USH2A: variants seen among roughly 807,000 people sequenced by gnomAD.
USH2A encodes Usher syndrome 2A (autosomal recessive, mild).
Under a neutral mutation model 538.9 loss-of-function variants are expected in USH2A, and 443 were observed. That is an observed-to-expected ratio of 0.82 (90% confidence interval 0.76 to 0.89). The LOEUF (loss-of-function observed/expected upper bound fraction) is 0.89. Among genes scored for constraint, USH2A ranks in the 40% least tolerant of loss-of-function variants. The pLI is 0.00. For missense variants in USH2A, 6,633 were observed against 6,324.8 expected (o/e 1.05, Z -1.65); for synonymous variants, 2,413 against 2,273.5 (o/e 1.06, Z -1.75).
chr1:215,699,538 C>G (rs1332039075), intron 61 of USH2A, among the ~76,000 whole-genome samples: 2 of 152,074 alleles, frequency 1.3e-5, no homozygotes, highest in African/African-American at 4.8e-5. Flanking sequence ...CCTTCACAAC[C>G]CTTGTAAGTT....
intron 38 of USH2A, among the ~76,000 whole-genome samples, chr1:215,918,676 T>G (rs1666022797): frequency 6.6e-6 from 1 of 152,110 alleles, no homozygotes; most frequent in African/African-American, 2.4e-5. Flanking sequence ...AAAACAATAG[T>G]CATTGGCAGA....
intron 9 of USH2A, among the ~76,000 whole-genome samples, chr1:216,297,810 T>C (rs1380761120): frequency 6.6e-6 from 1 of 152,150 alleles, no homozygotes; most frequent in Non-Finnish European, 1.5e-5. Context: ...GTCCTATCTA[T>C]TGACAATACT....
chr1:215,624,537 ACT>A lies in USH2A; in HGVS notation c.*1242_*1243del, dbSNP rs1655926351. ...ATGAAGGAAGACAAGAGGTTTTCTT[ACT>A]CTGTTTTCCATGAAGAACAAATTTA... On this transcript the variant is annotated 3_prime_UTR_variant, in exon 72 of 72. Transcript: ENST00000307340. 1 of 152,208 alleles carries A rather than the reference ACT, an allele frequency of 6.6e-6. No homozygotes were observed. The highest frequency in any genetic ancestry group is 2.4e-5 in the African/African-American group (1 of 41,538). The allele number at this position is 152,208 out of a possible 1,614,324, so 9.4% of individuals were successfully genotyped here.
At chr1:215,787,340 G>A (rs1267483975) in intron 51 of USH2A, among the ~76,000 whole-genome samples, 3 of 152,160 alleles carry the variant, frequency 2.0e-5, no homozygotes, top group Non-Finnish European at 2.9e-5. Context: ...TAAAGAATGT[G>A]ATATTTGAGA....
chr1:216,156,990 C>A (rs1451749768), intron 21 of USH2A, among the ~76,000 whole-genome samples: 1 of 151,804 alleles, frequency 6.6e-6, no homozygotes, highest in Non-Finnish European at 1.5e-5. Flanking sequence ...TCTCCTGCCT[C>A]AGCCTCCTGA....
At chr1:216,104,606 C>A (rs1332384033) in intron 21 of USH2A, among the ~76,000 whole-genome samples, 1 of 152,122 alleles carries the variant, frequency 6.6e-6, no homozygotes, top group African/African-American at 2.4e-5. Context: ...GCTGGGAAAA[C>A]TGGCTAGCCA....
In USH2A at chr1:216,070,269, A is replaced by C; in HGVS notation, c.5881T>G (p.Ser1961Ala). 6.2e-7 allele frequency: 1 copy of C among 1,613,972 alleles called. No individual in the cohort carries two copies. Among genetic ancestry groups the C allele is most frequent in the Non-Finnish European group, 8.5e-7 (1 of 1,179,890 alleles). ...GAAPQSVPTP[S>A]RVRSLNGYSI... The stretch of plus-strand genomic sequence containing the variant: ...TATCCATTTAAGCTGCGGACTCTTG[A>C]GGGAGTTGGCACACTTTGTGGAGCT... Residue 1961 changes from serine (S) to alanine (A), a missense_variant, in exon 30 of 72, where the codon TCA becomes GCA. Physicochemically the swap from Ser to Ala is moderately conservative, Grantham distance 99. Coordinates refer to ENST00000307340, the MANE Select transcript of USH2A (RefSeq NM_206933.4).
intron 20 of USH2A, among the ~76,000 whole-genome samples, chr1:216,184,969 C>T (rs1419728179): frequency 1.3e-5 from 2 of 151,872 alleles, no homozygotes; most frequent in African/African-American, 2.4e-5. Flanking sequence ...ATCACATTGT[C>T]CCTTCAGGAA....
chr1:215,921,748 T>C lies in USH2A; in HGVS notation c.7300+12868A>G, dbSNP rs564521325. Among the ~76,000 whole-genome samples the C allele has an allele frequency of 6.6e-5, 10 of 152,212 alleles. No individual in the cohort carries two copies. In the East Asian group the frequency reaches 1.2e-3, roughly 18 times the overall value. ...TGCCTTTTACTAGTAAGATGACCTT[T>C]ACTAGTTGCAAGCCAATATTGTTTC... On this transcript the variant is annotated intron_variant, in intron 38 of 71. Transcript: ENST00000307340.
chr1:215,645,102 C>G (rs1656804653), intron 67 of USH2A, among the ~76,000 whole-genome samples: 5 of 152,262 alleles, frequency 3.3e-5, no homozygotes, highest in Admixed American at 3.3e-4. Flanking sequence ...GAGCAAATTA[C>G]TGACTGAAGA....
intron 64 of USH2A, among the ~76,000 whole-genome samples, chr1:215,670,734 C>T (rs1457027263): frequency 6.6e-6 from 1 of 152,058 alleles, no homozygotes; most frequent in Non-Finnish European, 1.5e-5. Context: ...TGCAAATTCA[C>T]CTGGAATCTA....
In USH2A at chr1:215,832,653, A is replaced by G. The variant is rs565219651; in HGVS notation, c.9371+5338T>C. Among the ~76,000 whole-genome samples, 4 of 152,116 alleles carry G rather than the reference A, an allele frequency of 2.6e-5. No homozygotes were observed. In the East Asian group the frequency reaches 7.7e-4, roughly 29 times the overall value. ...AATTTCATACGTAACATCACATCTA[A>G]GGGTAAAAGACTGAAAGTTTTCTTT... On this transcript the variant is annotated intron_variant, in intron 47 of 71. Transcript: ENST00000307340.
rs544306056 is a variant in USH2A, at chr1:216,121,837, A to C, written c.4628-24624T>G. ...GTAGTGCTTCATTATAACAGTGGAT[A>C]TTGCTTTATATTTCATAAAAATTCT... On this transcript the variant is annotated intron_variant, in intron 21 of 71. Coordinates refer to ENST00000307340, the MANE Select transcript of USH2A (RefSeq NM_206933.4). 2.0e-5 allele frequency among the ~76,000 whole-genome samples: 3 copies of C among 152,288 alleles called. 1 individual carries two copies. In the South Asian group the frequency reaches 6.2e-4, roughly 32 times the overall value.
chr1:215,788,166 C>G (rs1381786640), intron 51 of USH2A, among the ~76,000 whole-genome samples: 1 of 152,110 alleles, frequency 6.6e-6, no homozygotes, highest in Non-Finnish European at 1.5e-5. Flanking sequence ...ATAATACACA[C>G]AAGACAGTGC....
At chr1:216,339,727 A>G (rs535397531) in intron 4 of USH2A, among the ~76,000 whole-genome samples, 15 of 152,132 alleles carry the variant, frequency 9.9e-5, no homozygotes, top group Admixed American at 5.2e-4. Flanking sequence ...CCTACTCCTG[A>G]ACGACTCCTG....
intron 58 of USH2A, 72 bp from the exon 59 acceptor site, chr1:215,743,407 TG>T: frequency 2.0e-6 from 1 of 512,444 alleles, no homozygotes; most frequent in Non-Finnish European, 3.1e-6. Context: ...TGTGTGTGTG[TG>T]TGTGTGTGTA....
chr1:215,804,905 C>A (rs937820874), intron 49 of USH2A, among the ~76,000 whole-genome samples: 1 of 152,020 alleles, frequency 6.6e-6, no homozygotes, highest in Non-Finnish European at 1.5e-5. Context: ...CAATGATAGA[C>A]AGGATTAAGA....
rs751883676 is a variant in USH2A, at chr1:215,650,643, G to A, written c.14292C>T (p.Ile4764=). Residue 4764 remains isoleucine, a synonymous_variant, in exon 65 of 72, where the codon ATC becomes ATT. Transcript: ENST00000307340. ...TGGAGAACAGCCTGTAGAGACTGAC[G>A]ATCCCGTTGGGCTTCCCAGGGGCAC... The part of the protein sequence containing the change: ...NISAPGKPNG[I]VSLYRLFSSS... The A allele has an allele frequency of 2.4e-5, 38 of 1,614,006 alleles. No homozygotes were observed. The highest frequency in any genetic ancestry group is 5.0e-5 in the Admixed American group (3 of 59,996).
chr1:215,978,275 G>T (rs1477067774), intron 35 of USH2A, among the ~76,000 whole-genome samples: 2 of 152,126 alleles, frequency 1.3e-5, no homozygotes, highest in Middle Eastern at 3.2e-3. Context: ...TGGATTCTTA[G>T]AGGGGCTAAC....
Sources: allele counts gnomAD v4.1 joint callset (sites outside exome capture counted in the v4.1 genomes callset), GRCh38; gene constraint gnomAD v4.1.1; transcripts MANE v1.5; gene names NCBI Gene and HGNC (gene_info 2026-07-23, HGNC 2026-07-21).